Variants in GALNT9 observed in about 807,000 individuals in gnomAD.
GALNT9 encodes polypeptide N-acetylgalactosaminyltransferase 9.
A neutral mutation model predicts 63.1 loss-of-function variants in GALNT9; 47 were observed. The observed-to-expected ratio is 0.75, with a 90% CI of 0.59 to 0.95. The LOEUF (loss-of-function observed/expected upper bound fraction) is 0.95, where lower values mean the gene tolerates loss of function less well. Ranked by LOEUF, GALNT9 falls within the 40% of genes least tolerant of loss-of-function variation. GALNT9 has a pLI of 0.00. For missense variants in GALNT9, 829 were observed against 874.8 expected (o/e 0.95, Z 0.66); for synonymous variants, 396 against 365.7 (o/e 1.08, Z -0.94).
intron 1 of GALNT9, among the ~76,000 whole-genome samples, chr12:132,291,014 C>T (rs1555242675): frequency 1.3e-5 from 1 of 75,494 alleles, no homozygotes. Context: ...CCCACGTCCA[C>T]ACCACCCACA....
In GALNT9 at chr12:132,328,044, C is replaced by T. The variant is rs73477825; in HGVS notation, c.238+922G>A. On this transcript the variant is annotated intron_variant, in intron 1 of 10. Transcript: ENST00000328957. ...AGAAGCCTGAATCATCGGCACGGAA[C>T]GGAAAGCCACACCAGCTAGTGATGT... 2.1e-3 allele frequency among the ~76,000 whole-genome samples: 327 copies of T among 152,308 alleles called. 5 individuals carry two copies. The highest frequency in any genetic ancestry group is 7.4e-3 in the African/African-American group (308 of 41,574).
At chr12:132,285,159 T>C (rs28689688) in intron 2 of GALNT9, among the ~76,000 whole-genome samples, 34,792 of 152,258 alleles carry the variant, frequency 0.23, 4,131 homozygotes, top group South Asian at 0.4. Flanking sequence ...CCCTCCTGCC[T>C]GCCCTCCCTC....
In GALNT9 at chr12:132,196,989, C is replaced by T; in HGVS notation, c.*118G>A. The T allele has an allele frequency of 6.5e-7, 1 of 1,530,886 alleles. No individual in the cohort carries two copies. Among genetic ancestry groups the T allele is most frequent in the South Asian group, 1.3e-5 (1 of 78,130 alleles). The allele number at this position is 1,530,886 out of a possible 1,614,324, so 94.8% of individuals were successfully genotyped here. A position where few individuals can be genotyped will look rare whatever the true frequency, so the allele number is the denominator to read the frequency against. On this transcript the variant is annotated 3_prime_UTR_variant, in exon 11 of 11. Coordinates refer to ENST00000328957, the MANE Select transcript of GALNT9 (RefSeq NM_001122636.2). Reference sequence around the variant, plus strand: ...ACCCCGGCCCCTCAGCCTCTGCTGTCCTGGCCGCACATAGAGCCCTGTCCT... The same window carrying T: ...ACCCCGGCCCCTCAGCCTCTGCTGTTCTGGCCGCACATAGAGCCCTGTCCT...
intron 7 of GALNT9, among the ~76,000 whole-genome samples, chr12:132,202,288 C>T (rs940713256): frequency 2.6e-5 from 4 of 152,330 alleles, no homozygotes; most frequent in African/African-American, 4.8e-5. Flanking sequence ...TCACCCTGCA[C>T]GTTTTCCTTA....
At chr12:132,214,747 C>T (rs1877115637) in intron 6 of GALNT9, among the ~76,000 whole-genome samples, 1 of 152,090 alleles carries the variant, frequency 6.6e-6, no homozygotes, top group African/African-American at 2.4e-5. Flanking sequence ...CGTAACAAAC[C>T]ATCTCACCAA....
intron 2 of GALNT9, among the ~76,000 whole-genome samples, chr12:132,267,548 C>G (rs1284554428): frequency 6.6e-6 from 1 of 152,196 alleles, no homozygotes; most frequent in African/African-American, 2.4e-5. Context: ...TGCAAAGGAC[C>G]TTGGAGAGCC....
rs1555244356 is a variant in GALNT9 at position 132,304,619 on chromosome 12, ACAGCCTCACCGGGGCACACCCTCGCCCG to A, written c.239-18217_239-18190del. On this transcript the variant is annotated intron_variant, in intron 1 of 10. Transcript: ENST00000328957. ...CACCCGGGCACAGCCTCACCCGGGC[ACAGCCTCACCGGGGCACACCCTCGCCCG>A]GACACACCCTCACCCGGGCACAGCC... is the stretch of plus-strand genomic sequence containing the variant. Among the ~76,000 whole-genome samples the A allele has an allele frequency of 1.8e-3, 67 of 37,754 alleles. 18 individuals are homozygous for A. Among genetic ancestry groups the A allele is most frequent in the East Asian group, 0.048 (2 of 42 alleles). 24.8% of individuals were successfully genotyped at this position (37,754 alleles called of 152,430 possible). A position where few individuals can be genotyped will look rare whatever the true frequency, so the allele number is the denominator to read the frequency against.
chr12:132,290,110 C>G (rs1330006643), intron 1 of GALNT9, among the ~76,000 whole-genome samples: 3 of 152,120 alleles, frequency 2.0e-5, no homozygotes, highest in African/African-American at 7.2e-5. Flanking sequence ...TCTGCAGTGG[C>G]TTCATCAGGG....
At chr12:132,287,284 G>T (rs187338117) in intron 1 of GALNT9, among the ~76,000 whole-genome samples, 1 of 152,290 alleles carries the variant, frequency 6.6e-6, no homozygotes, top group East Asian at 1.9e-4. Context: ...CGGGAACTCC[G>T]CTCAGTCTCT....
chr12:132,315,794 C>T lies in GALNT9; in HGVS notation c.238+13172G>A, dbSNP rs1868482844. On this transcript the variant is annotated intron_variant, in intron 1 of 10. Transcript: ENST00000328957. The surrounding 1 kb of genome is among the most constrained non-coding windows in gnomAD (Gnocchi z 6.1). Reference sequence around the variant, plus strand: ...AGCAGAGAGGGCTGAGCCACCCACTCATACTCCCCACCGCGTCACACAGGG... The same window carrying T: ...AGCAGAGAGGGCTGAGCCACCCACTTATACTCCCCACCGCGTCACACAGGG... Among the ~76,000 whole-genome samples, 2 of 152,196 alleles carry T rather than the reference C, an allele frequency of 1.3e-5. No individual in the cohort carries two copies. Among genetic ancestry groups the T allele is most frequent in the Middle Eastern group, 3.2e-3 (1 of 316 alleles).
At chr12:132,243,625 C>G (rs2136905808) in intron 6 of GALNT9, among the ~76,000 whole-genome samples, 6 of 152,214 alleles carry the variant, frequency 3.9e-5, no homozygotes, top group Non-Finnish European at 8.8e-5. Flanking sequence ...GTCATCCCCT[C>G]AAACTGCTTC....
At chr12:132,253,353 A>G (rs1878997249) in intron 5 of GALNT9, among the ~76,000 whole-genome samples, 2 of 151,870 alleles carry the variant, frequency 1.3e-5, no homozygotes, top group Admixed American at 1.3e-4. Flanking sequence ...ACTCCCTTCC[A>G]CAGTCTGCTA....
chr12:132,231,085 C>A (rs1447010690), intron 6 of GALNT9, among the ~76,000 whole-genome samples: 2 of 88,080 alleles, frequency 2.3e-5, no homozygotes, highest in Non-Finnish European at 4.3e-5. Context: ...CTCGATGGGG[C>A]GACAGAGGAG....
Position 132,296,875 on chromosome 12 carries a change from G to A in GALNT9, c.239-10445C>T, listed in dbSNP as rs1017854285. On this transcript the variant is annotated intron_variant, in intron 1 of 10. Coordinates refer to ENST00000328957, the MANE Select transcript of GALNT9 (RefSeq NM_001122636.2). The surrounding 1 kb of genome is among the most constrained non-coding windows in gnomAD (Gnocchi z 4.2). ...AGGGTGGAACTCTTCCTTCCATCAGGAGCCCACTCCCACACAAACCAACTC... is the reference window on the plus strand; with the variant it reads ...AGGGTGGAACTCTTCCTTCCATCAGAAGCCCACTCCCACACAAACCAACTC... 3.5e-4 allele frequency among the ~76,000 whole-genome samples: 53 copies of A among 151,934 alleles called. No homozygotes were observed. Among genetic ancestry groups the A allele is most frequent in the African/African-American group, 1.3e-3 (53 of 41,328 alleles).
chr12:132,200,767 C>A, intron 8 of GALNT9: 1 of 265,674 alleles, frequency 3.8e-6, no homozygotes, highest in African/African-American at 2.4e-5. Flanking sequence ...TACGTGAGAG[C>A]GTAGGTACAT....
intron 5 of GALNT9, among the ~76,000 whole-genome samples, chr12:132,248,283 G>A (rs561139214): frequency 3.9e-5 from 6 of 152,342 alleles, no homozygotes; most frequent in South Asian, 2.1e-4. Context: ...GACAGAACCC[G>A]CATTCAATTC....
chr12:132,324,749 C>T (rs1868962633), intron 1 of GALNT9, among the ~76,000 whole-genome samples: 1 of 152,168 alleles, frequency 6.6e-6, no homozygotes, highest in South Asian at 2.1e-4. Flanking sequence ...TTCTCACCCC[C>T]CAGCCTCTCC....
chr12:132,246,745 C>T lies in GALNT9; in HGVS notation c.1077+1165G>A, dbSNP rs768626659. On this transcript the variant is annotated intron_variant, in intron 6 of 10. Coordinates refer to ENST00000328957, the MANE Select transcript of GALNT9 (RefSeq NM_001122636.2). This position sits in a 1 kb window ranked among gnomAD's most constrained non-coding sequence, Gnocchi z 4.7. ...GCAGGGTTTTACCATACTGGTCAGG[C>T]TGGTCTCGAACTTCTGACCTCATGA... Among the ~76,000 whole-genome samples, 9 of 152,224 alleles carry T rather than the reference C, an allele frequency of 5.9e-5. No homozygotes were observed. Among genetic ancestry groups the T allele is most frequent in the African/African-American group, 1.9e-4 (8 of 41,446 alleles).
chr12:132,267,854 GCA>G lies in GALNT9; in HGVS notation c.420-5231_420-5230del, dbSNP rs375981673. ...TCACACACATGCATACAACCCACAT[GCA>G]CACACACACGCATACAACCCACATG... On this transcript the variant is annotated intron_variant, in intron 2 of 10. Coordinates refer to ENST00000328957, the MANE Select transcript of GALNT9 (RefSeq NM_001122636.2). Among the ~76,000 whole-genome samples the G allele has an allele frequency of 9.4e-3, 970 of 102,726 alleles. 6 individuals are homozygous for G. The highest frequency in any genetic ancestry group is 0.036 in the African/African-American group (746 of 20,558). The allele number at this position is 102,726 out of a possible 152,430, so 67.4% of individuals were successfully genotyped here.
Sources: gnomAD v4.1 joint callset for allele counts (sites outside exome capture counted in the v4.1 genomes callset) on GRCh38, gnomAD v4.1.1 for gene constraint, Gnocchi (gnomAD v3.1) non-coding constraint, MANE v1.5 for transcripts, NCBI Gene and HGNC (gene_info 2026-07-23, HGNC 2026-07-21) for gene names.